CNIH3: variants seen among roughly 807,000 people sequenced by gnomAD.
The protein encoded by CNIH3 is protein cornichon homolog 3.
Under a neutral mutation model 24.1 loss-of-function variants are expected in CNIH3, and 14 were observed. That is an observed-to-expected ratio of 0.58 (90% CI 0.38 to 0.91). The LOEUF (loss-of-function observed/expected upper bound fraction) is 0.91. Among genes scored for constraint, CNIH3 ranks in the 40% least tolerant of loss-of-function variants. CNIH3 has a pLI of 0.00. For missense variants in CNIH3, 178 were observed against 196.8 expected, an observed-to-expected ratio of 0.90 and a Z score of 0.57; for synonymous variants, 68 against 73.8, an observed-to-expected ratio of 0.92 and a Z score of 0.40.
At chr1:224,518,266 G>C (rs994472242) in intron 1 of CNIH3, among the ~76,000 whole-genome samples, 4 of 152,204 alleles carry the variant, frequency 2.6e-5, no homozygotes, top group African/African-American at 9.7e-5. Context: ...CATTAATTGA[G>C]TGCAAAATAC....
intron 3 of CNIH3, among the ~76,000 whole-genome samples, chr1:224,726,235 C>T (rs577621729): frequency 6.6e-6 from 1 of 152,222 alleles, no homozygotes; most frequent in Non-Finnish European, 1.5e-5. Context: ...AAGGAAGGAA[C>T]AAATGCAAGT....
intron 5 of CNIH3, among the ~76,000 whole-genome samples, chr1:224,584,918 C>T (rs1454873105): frequency 1.3e-5 from 2 of 152,208 alleles, no homozygotes; most frequent in Non-Finnish European, 2.9e-5. Context: ...ACAGCTACAT[C>T]TGCTGACATC....
Position 224,684,770 on chromosome 1 carries a change from C to T in CNIH3, c.151-26C>T, listed in dbSNP as rs1482125158. 1.2e-6 allele frequency: 2 copies of T among 1,610,604 alleles called. No individual in the cohort carries two copies. The highest frequency in any genetic ancestry group is 1.3e-5 in the African/African-American group (1 of 74,834). Reference sequence around the variant, plus strand: ...TAGCAGAACCCCTAACCTCCCCTCTCATTTCTTTCTTGTGCATCCTGATAG... The same window carrying T: ...TAGCAGAACCCCTAACCTCCCCTCTTATTTCTTTCTTGTGCATCCTGATAG... On this transcript the variant is annotated intron_variant, in intron 2 of 5. Transcript: ENST00000272133. The surrounding 1 kb of genome is among the most constrained non-coding windows in gnomAD (Gnocchi z 4.2).
chr1:224,627,302 C>T (rs1440908820), intron 1 of CNIH3, among the ~76,000 whole-genome samples: 2 of 152,088 alleles, frequency 1.3e-5, no homozygotes, highest in Non-Finnish European at 2.9e-5. Context: ...TCTCGGCTCA[C>T]TGCAACCTCT....
chr1:224,739,296 T>C (rs1689752245), intron 5 of CNIH3, 33 bp from the exon 6 acceptor site: 2 of 77,406 alleles, frequency 2.6e-5, no homozygotes, highest in Non-Finnish European at 3.7e-5. Context: ...CCTTCCTCTC[T>C]TTTTTTTTTT....
chr1:224,460,880 C>T (rs1675881945), intron 1 of CNIH3, among the ~76,000 whole-genome samples: 1 of 151,978 alleles, frequency 6.6e-6, no homozygotes, highest in South Asian at 2.1e-4. Flanking sequence ...AACAGTCCTC[C>T]CACCTCAGCC....
intron 3 of CNIH3, among the ~76,000 whole-genome samples, chr1:224,696,940 G>A (rs1356338155): frequency 1.3e-5 from 2 of 152,182 alleles, no homozygotes; most frequent in Admixed American, 6.5e-5. Flanking sequence ...ATTTTACACA[G>A]TTGTATTCTT....
chr1:224,503,132 A>T (rs6665956), intron 1 of CNIH3, among the ~76,000 whole-genome samples: 122,205 of 152,024 alleles, frequency 0.8, 49,214 homozygotes, highest in Middle Eastern at 0.91. Flanking sequence ...GAGGAGGATG[A>T]GAAAGAAGAT....
At chr1:224,448,948 A>C (rs1675272353) in intron 1 of CNIH3, among the ~76,000 whole-genome samples, 1 of 151,292 alleles carries the variant, frequency 6.6e-6, no homozygotes, top group African/African-American at 2.4e-5. Context: ...GACACGAATC[A>C]GAAGCTGGGA....
At chr1:224,443,712 T>C (rs1288472536) in intron 1 of CNIH3, among the ~76,000 whole-genome samples, 1 of 140,230 alleles carries the variant, frequency 7.1e-6, no homozygotes, top group Admixed American at 7.0e-5. Context: ...TATATATATA[T>C]TTTTTTAGGC....
At chr1:224,648,193 C>T (rs2125101310) in intron 1 of CNIH3, among the ~76,000 whole-genome samples, 1 of 152,192 alleles carries the variant, frequency 6.6e-6, no homozygotes, top group African/African-American at 2.4e-5. Context: ...GGGTGGATCA[C>T]CTGAGGTCAG....
chr1:224,630,189 G>T (rs1023356449), intron 1 of CNIH3, among the ~76,000 whole-genome samples: 2 of 152,138 alleles, frequency 1.3e-5, no homozygotes, highest in Admixed American at 1.3e-4. Context: ...CAAGAATTTT[G>T]TTATTGTTCA....
At chr1:224,737,124 G>A (rs1273880574) in intron 5 of CNIH3, among the ~76,000 whole-genome samples, 2 of 142,126 alleles carry the variant, frequency 1.4e-5, no homozygotes, top group African/African-American at 5.2e-5. Context: ...CCTCATTTCA[G>A]TTTTGTTGCA....
intron 3 of CNIH3, among the ~76,000 whole-genome samples, chr1:224,691,873 C>T (rs1686949465): frequency 1.3e-5 from 2 of 152,200 alleles, no homozygotes; most frequent in African/African-American, 4.8e-5. Context: ...TTTGACTCTA[C>T]AAATTTACAA....
At chr1:224,518,424 G>A (rs1678483390) in intron 1 of CNIH3, among the ~76,000 whole-genome samples, 1 of 152,084 alleles carries the variant, frequency 6.6e-6, no homozygotes, top group Non-Finnish European at 1.5e-5. Flanking sequence ...CGGACTCTTG[G>A]GTTCCAAGGT....
At chr1:224,661,505 G>T in intron 1 of CNIH3, 2 of 296,546 alleles carry the variant, frequency 6.7e-6, no homozygotes, top group East Asian at 1.9e-4. Flanking sequence ...CTCCCTTGGG[G>T]ACCCCTTTGA....
intron 3 of CNIH3, among the ~76,000 whole-genome samples, chr1:224,709,923 C>T (rs1001357957): frequency 1.3e-5 from 2 of 152,208 alleles, no homozygotes; most frequent in South Asian, 4.2e-4. Flanking sequence ...TTTTTCCTAT[C>T]CATACATATC....
At chr1:224,453,410 ACTC>A (rs1317641050) in intron 1 of CNIH3, among the ~76,000 whole-genome samples, 1 of 148,900 alleles carries the variant, frequency 6.7e-6, no homozygotes, top group Non-Finnish European at 1.5e-5. Flanking sequence ...CTGGTCTTGA[ACTC>A]CTAGGCTCAA....
At chr1:224,673,843 T>C (rs1685994354) in intron 1 of CNIH3, among the ~76,000 whole-genome samples, 1 of 152,148 alleles carries the variant, frequency 6.6e-6, no homozygotes, top group Admixed American at 6.5e-5. Context: ...CCCAACATTT[T>C]CTTTTTACCC....
Sources: gnomAD v4.1 joint callset for allele counts (sites outside exome capture counted in the v4.1 genomes callset) on GRCh38, gnomAD v4.1.1 for gene constraint, Gnocchi (gnomAD v3.1) non-coding constraint, MANE v1.5 for transcripts, NCBI Gene and HGNC (gene_info 2026-07-23, HGNC 2026-07-21) for gene names.